Variants in PSMA8 observed in about 807,000 individuals in gnomAD.
The protein encoded by PSMA8 is proteasome subunit alpha-type 8.
PSMA8 carries 18 observed loss-of-function variants against 32.4 expected under a neutral mutation model. The ratio of observed to expected loss-of-function variants is 0.56; its 90% CI spans 0.38 to 0.82. The LOEUF is 0.82. Ranked by LOEUF, PSMA8 falls within the 40% of genes least tolerant of loss-of-function variation. The pLI is 0.00. For missense variants in PSMA8, 298 were observed against 300.7 expected (o/e 0.99, Z 0.07); for synonymous variants, 104 against 98.1 (o/e 1.06, Z -0.36).
intron 4 of PSMA8, among the ~76,000 whole-genome samples, chr18:26,172,499 G>A (rs934126958): frequency 6.6e-6 from 1 of 152,182 alleles, no homozygotes; most frequent in South Asian, 2.1e-4. Flanking sequence ...ACTATATATA[G>A]CATTGGTTTA....
rs529333519 is a variant in PSMA8, at chr18:26,158,192, G to T, written c.425G>T (p.Gly142Val). The T allele has an allele frequency of 6.2e-7, 1 of 1,607,764 alleles. No individual in the cohort carries two copies. Among genetic ancestry groups the T allele is most frequent in the East Asian group, 2.2e-5 (1 of 44,644 alleles). The change falls in exon 4 of 7, where the codon GGT becomes GTT. Residue 142 changes from glycine to valine, a missense_variant. By Grantham distance (109) the Gly-to-Val change is moderately radical. Coordinates refer to ENST00000415576, the MANE Select transcript of PSMA8 (RefSeq NM_001025096.2). ...TTAATTGTAGGTTTTGATGATGATGGTATCTCAAGATTGTATCAGACAGAT... is the reference window on the plus strand; with the variant it reads ...TTAATTGTAGGTTTTGATGATGATGTTATCTCAAGATTGTATCAGACAGAT... ...SALIVGFDDD[G>V]ISRLYQTDPS...
At chr18:26,144,498 T>C (rs1471303131) in intron 1 of PSMA8, 61 bp from the exon 2 acceptor site, 1 of 1,394,084 alleles carries the variant, frequency 7.2e-7, no homozygotes, top group Admixed American at 1.8e-5. Context: ...TATGTTAGAA[T>C]AACTTGGTTT....
Position 26,184,154 on chromosome 18 carries a change from G to A in PSMA8, c.660+5024G>A, listed in dbSNP as rs2055334337. 1.3e-5 allele frequency among the ~76,000 whole-genome samples: 2 copies of A among 150,546 alleles called. 1 individual carries two copies. The highest frequency in any genetic ancestry group is 4.0e-4 in the East Asian group (2 of 5,044). On this transcript the variant is annotated intron_variant, in intron 6 of 6. Coordinates refer to ENST00000415576, the MANE Select transcript of PSMA8 (RefSeq NM_001025096.2). ...GACTCAATATTTGCCTTACTGCTGT[G>A]GTCCTGAACCAAATCCACAATTTTT...
At chr18:26,156,715 A>AAT (rs1053817275) in intron 3 of PSMA8, among the ~76,000 whole-genome samples, 2 of 148,324 alleles carry the variant, frequency 1.3e-5, no homozygotes, top group African/African-American at 2.5e-5. Context: ...ATATATATAC[A>AAT]ATATATATAC....
intron 6 of PSMA8, among the ~76,000 whole-genome samples, chr18:26,179,371 C>T (rs968261251): frequency 3.3e-5 from 5 of 151,362 alleles, no homozygotes; most frequent in South Asian, 2.1e-4. Context: ...TAGAATCAAG[C>T]GATCAGCCCG....
At chr18:26,184,767 C>G (rs372075497) in intron 6 of PSMA8, among the ~76,000 whole-genome samples, 1 of 135,310 alleles carries the variant, frequency 7.4e-6, no homozygotes, top group African/African-American at 2.8e-5. Context: ...GAGCAAGACT[C>G]TGTCTCAAAA....
chr18:26,174,751 T>G lies in PSMA8; in HGVS notation c.478-4079T>G, dbSNP rs991830021. Among the ~76,000 whole-genome samples, 3 of 152,342 alleles carry G rather than the reference T, an allele frequency of 2.0e-5. No individual in the cohort carries two copies. The East Asian group carries it at 5.8e-4, about 29-fold the overall frequency. ...TCTCAAAATGCATTTCTTTTCATGT[T>G]AACAGGTATTAGGTAAACAAGCTCT... On this transcript the variant is annotated intron_variant, in intron 4 of 6. Coordinates refer to ENST00000415576, the MANE Select transcript of PSMA8 (RefSeq NM_001025096.2).
intron 1 of PSMA8, among the ~76,000 whole-genome samples, chr18:26,142,038 T>A (rs1233859421): frequency 2.4e-5 from 2 of 81,886 alleles, no homozygotes; most frequent in African/African-American, 1.6e-4. Context: ...ATAATGCTAA[T>A]TTTTTTTTTT....
At chr18:26,188,366 T>G (rs142220206) in intron 6 of PSMA8, among the ~76,000 whole-genome samples, 2 of 150,992 alleles carry the variant, frequency 1.3e-5, no homozygotes, top group African/African-American at 4.9e-5. Context: ...AGAAAGGTGT[T>G]CCATGTTCAT....
At chr18:26,142,183 G>T (rs2054963790) in intron 1 of PSMA8, among the ~76,000 whole-genome samples, 1 of 151,844 alleles carries the variant, frequency 6.6e-6, no homozygotes, top group Non-Finnish European at 1.5e-5. Flanking sequence ...GGGACTACAG[G>T]CGCCCGCCAC....
intron 2 of PSMA8, among the ~76,000 whole-genome samples, chr18:26,151,319 T>A (rs1449341497): frequency 3.9e-5 from 6 of 152,352 alleles, no homozygotes; most frequent in Non-Finnish European, 8.8e-5. Flanking sequence ...TAGAAATGTT[T>A]GCAACCATTG....
In PSMA8 at chr18:26,183,642, T is replaced by C. The variant is rs1403635648; in HGVS notation, c.660+4512T>C. On this transcript the variant is annotated intron_variant, in intron 6 of 6. Transcript: ENST00000415576. ...AAGATGAGAAAAGAATGTGGTTTCT[T>C]GGATGAAATCTACTCCTGGTTATGA... 1.3e-5 allele frequency among the ~76,000 whole-genome samples: 2 copies of C among 150,806 alleles called. 1 individual carries two copies. The highest frequency in any genetic ancestry group is 3.0e-5 in the Non-Finnish European group (2 of 67,766).
intron 4 of PSMA8, among the ~76,000 whole-genome samples, chr18:26,169,400 A>G: frequency 7.6e-6 from 1 of 132,324 alleles, no homozygotes; most frequent in Non-Finnish European, 1.5e-5. Flanking sequence ...TTAAATCACA[A>G]TTTCTTACTA....
At chr18:26,154,874 C>T (rs534808809) in intron 3 of PSMA8, among the ~76,000 whole-genome samples, 5 of 152,180 alleles carry the variant, frequency 3.3e-5, no homozygotes, top group Admixed American at 6.5e-5. Flanking sequence ...CTCAGCCTTC[C>T]GAAGTGCTGG....
intron 6 of PSMA8, among the ~76,000 whole-genome samples, chr18:26,181,475 A>G (rs143616421): frequency 8.6e-4 from 131 of 152,282 alleles, no homozygotes; most frequent in African/African-American, 3.1e-3. Context: ...TAAGTGTTCA[A>G]GTGAAAGGAA....
chr18:26,189,405 C>T (rs576005293), intron 6 of PSMA8, among the ~76,000 whole-genome samples: 1 of 152,088 alleles, frequency 6.6e-6, no homozygotes, highest in African/African-American at 2.4e-5. Context: ...TGGTGGTGTG[C>T]TCCTGTGGTC....
At position 26,142,130 on chromosome 18, in the gene PSMA8, CCCAGGTTCACG is replaced by C. The variant is rs540207011; in HGVS notation, c.103-2425_103-2415del. On this transcript the variant is annotated intron_variant, in intron 1 of 6. Coordinates refer to ENST00000415576, the MANE Select transcript of PSMA8 (RefSeq NM_001025096.2). ...TCTTGGCTCACTGCAAACTCCTCCTCCCAGGTTCACGCCATTCTCCTACCTCAGCCTCCCCA... is the reference window on the plus strand; with the variant it reads ...TCTTGGCTCACTGCAAACTCCTCCTCCCATTCTCCTACCTCAGCCTCCCCA... Among the ~76,000 whole-genome samples the C allele has an allele frequency of 1.2e-3, 179 of 149,666 alleles. 1 individual carries two copies. The highest frequency in any genetic ancestry group is 4.2e-3 in the African/African-American group (169 of 40,242).
intron 6 of PSMA8, among the ~76,000 whole-genome samples, chr18:26,184,657 C>T (rs1598672790): frequency 6.7e-6 from 1 of 148,640 alleles, no homozygotes; most frequent in Admixed American, 6.7e-5. Flanking sequence ...GCCTGTAATC[C>T]CAGCTACTCA....
At chr18:26,189,219 T>C (rs2055382299) in intron 6 of PSMA8, among the ~76,000 whole-genome samples, 1 of 152,058 alleles carries the variant, frequency 6.6e-6, no homozygotes, top group Non-Finnish European at 1.5e-5. Context: ...AAAGAAGACA[T>C]ACAAATGGCA....
Sources: gnomAD v4.1 joint callset for allele counts (sites outside exome capture counted in the v4.1 genomes callset) on GRCh38, gnomAD v4.1.1 for gene constraint, MANE v1.5 for transcripts, NCBI Gene and HGNC (gene_info 2026-07-23, HGNC 2026-07-21) for gene names.